AOAH: variants seen among roughly 807,000 people sequenced by gnomAD.
The protein encoded by AOAH is acyloxyacyl hydrolase (neutrophil).
AOAH carries 64 observed loss-of-function variants against 92.2 expected under a neutral mutation model. The observed-to-expected ratio is 0.69, with a 90% confidence interval of 0.57 to 0.86. The LOEUF (loss-of-function observed/expected upper bound fraction) is 0.86, where lower values mean the gene tolerates loss of function less well. Ranked by LOEUF, AOAH falls within the 40% of genes least tolerant of loss-of-function variation. The pLI is 0.00. For missense variants in AOAH, 656 were observed against 694.6 expected, an observed-to-expected ratio of 0.94 and a Z score of 0.62; for synonymous variants, 263 against 254.5, an observed-to-expected ratio of 1.03 and a Z score of -0.32.
chr7:36,574,540 C>A (rs547070816), intron 13 of AOAH, among the ~76,000 whole-genome samples: 2 of 152,256 alleles, frequency 1.3e-5, no homozygotes, highest in East Asian at 3.9e-4. Flanking sequence ...GTCGACTTTG[C>A]ACACCTGGGT....
intron 12 of AOAH, among the ~76,000 whole-genome samples, chr7:36,586,835 T>C (rs568383203): frequency 1.3e-5 from 2 of 152,196 alleles, no homozygotes; most frequent in South Asian, 2.1e-4. Context: ...TAAAAACAAA[T>C]ATATGTTTTC....
intron 6 of AOAH, among the ~76,000 whole-genome samples, chr7:36,624,242 AC>A (rs1281888535): frequency 2.0e-5 from 3 of 152,270 alleles, no homozygotes; most frequent in African/African-American, 7.2e-5. Context: ...GAACCTGGAC[AC>A]CCTCCACCAT....
At chr7:36,650,005 A>G (rs1200887913) in intron 4 of AOAH, among the ~76,000 whole-genome samples, 1 of 152,138 alleles carries the variant, frequency 6.6e-6, no homozygotes, top group Non-Finnish European at 1.5e-5. Context: ...TATAACACTC[A>G]CTGCATGGCC....
At chr7:36,702,444 G>T (rs1337517105) in intron 1 of AOAH, among the ~76,000 whole-genome samples, 1 of 152,024 alleles carries the variant, frequency 6.6e-6, no homozygotes, top group Non-Finnish European at 1.5e-5. Flanking sequence ...CAGAACTCTT[G>T]GTTGATAACT....
rs114626329 is a variant in AOAH, at chr7:36,608,598, T to G, written c.846+7782A>C. ...TAGATGAGGAAACTAAAGCTCAGAG[T>G]AAAGAAGTGAGTGTAGGTGGCTCAG... On this transcript the variant is annotated intron_variant, in intron 11 of 20. Transcript: ENST00000617537. Among the ~76,000 whole-genome samples, 212 of 152,140 alleles carry G rather than the reference T, an allele frequency of 1.4e-3. 1 individual carries two copies. The highest frequency in any genetic ancestry group is 5.4e-3 in the East Asian group (28 of 5,172).
At chr7:36,605,276 CAATT>C (rs10555012) in intron 11 of AOAH, among the ~76,000 whole-genome samples, 37,614 of 151,964 alleles carry the variant, frequency 0.25, 4,838 homozygotes, top group Middle Eastern at 0.3. Flanking sequence ...CAGTGTATGA[CAATT>C]AATTCCAACC....
At chr7:36,718,137 G>A (rs939617246) in intron 1 of AOAH, among the ~76,000 whole-genome samples, 1 of 151,926 alleles carries the variant, frequency 6.6e-6, no homozygotes, top group Non-Finnish European at 1.5e-5. Flanking sequence ...AATTTAAAGA[G>A]GGGCAAAATA....
rs777229484 is a variant in AOAH at position 36,623,194 on chromosome 7, A to G, written c.578T>C (p.Phe193Ser). 14 of 1,613,646 alleles carry G rather than the reference A, an allele frequency of 8.7e-6. No individual in the cohort carries two copies. In the African/African-American group the frequency reaches 1.7e-4, roughly 20 times the overall value. The change falls in exon 7 of 21, where the codon TTC becomes TCC. Residue 193 changes from phenylalanine to serine, a missense_variant. Phe to Ser is a radical substitution (Grantham distance 155, BLOSUM62 -2). Transcript: ENST00000617537. ...GTTATTCCTAACAATACTTACTGGG[A>G]AAACGCTGTATTTGTCTGAATCCAC... ...KDVDSDKYSV[F>S]PTLRGYHWRG... is the part of the protein sequence containing the mutation.
chr7:36,617,017 C>A (rs1445907271), intron 10 of AOAH, among the ~76,000 whole-genome samples: 1 of 152,258 alleles, frequency 6.6e-6, no homozygotes, highest in Non-Finnish European at 1.5e-5. Context: ...TTCACAATCA[C>A]TTCATCTGAC....
intron 10 of AOAH, among the ~76,000 whole-genome samples, chr7:36,618,039 A>C (rs1473873472): frequency 6.6e-6 from 1 of 152,232 alleles, no homozygotes; most frequent in East Asian, 1.9e-4. Context: ...TCCATTTTGC[A>C]ACCTAATCGT....
At chr7:36,678,067 C>A (rs1796367512) in intron 2 of AOAH, among the ~76,000 whole-genome samples, 1 of 152,204 alleles carries the variant, frequency 6.6e-6, no homozygotes, top group Non-Finnish European at 1.5e-5. Flanking sequence ...TACTGAAAGT[C>A]ACTAAATTGT....
At chr7:36,631,903 T>C (rs1583988540) in intron 6 of AOAH, 133 bp downstream of exon 6, 1 of 691,098 alleles carries the variant, frequency 1.4e-6, no homozygotes, top group East Asian at 2.8e-5. Flanking sequence ...CTGTGCAATG[T>C]TTTGAGAAAG....
In AOAH at chr7:36,540,381, A is replaced by G. The variant is rs1785341273; in HGVS notation, c.1244T>C (p.Leu415Ser). ...SHLPNGSHVI[L>S]YGLPDGTFLW... ...AAAGGTTCCATCTGGTAAGCCATAC[A>G]AAATAACATGGCTGCCATTGGGCAG... Residue 415 changes from leucine (L) to serine (S), a missense_variant, in exon 16 of 21, where the codon TTG becomes TCG. By Grantham distance (145) the Leu-to-Ser change is moderately radical. Transcript: ENST00000617537. The G allele has an allele frequency of 1.2e-6, 2 of 1,614,094 alleles. No homozygotes were observed. Among genetic ancestry groups the G allele is most frequent in the South Asian group, 1.1e-5 (1 of 91,080 alleles).
chr7:36,554,012 C>T (rs1786494220), intron 13 of AOAH, among the ~76,000 whole-genome samples: 1 of 152,116 alleles, frequency 6.6e-6, no homozygotes, highest in Non-Finnish European at 1.5e-5. Flanking sequence ...TCAATTTTGG[C>T]TTTTGTTGCC....
chr7:36,650,843 A>G (rs757044441), intron 4 of AOAH, among the ~76,000 whole-genome samples: 18 of 152,338 alleles, frequency 1.2e-4, no homozygotes, highest in Middle Eastern at 3.4e-3. Flanking sequence ...CAAGAAAGAC[A>G]CGGTCCTTGT....
chr7:36,586,686 T>G (rs545254481), intron 12 of AOAH, among the ~76,000 whole-genome samples: 1 of 152,306 alleles, frequency 6.6e-6, no homozygotes, highest in South Asian at 2.1e-4. Flanking sequence ...CTCAGAGAGC[T>G]TTTGCTTATG....
chr7:36,621,639 G>A, intron 8 of AOAH, 71 bp downstream of exon 8: 1 of 1,395,862 alleles, frequency 7.2e-7, no homozygotes, highest in South Asian at 1.2e-5. Flanking sequence ...TAGGCTGGGG[G>A]AAGGAAATGT....
At chr7:36,601,641 C>T (rs772754508) in intron 11 of AOAH, among the ~76,000 whole-genome samples, 2 of 152,180 alleles carry the variant, frequency 1.3e-5, no homozygotes, top group Non-Finnish European at 2.9e-5. Flanking sequence ...CTATGCATGA[C>T]GTTTAGACTT....
intron 2 of AOAH, among the ~76,000 whole-genome samples, chr7:36,685,561 A>T (rs1796948422): frequency 2.0e-5 from 3 of 152,194 alleles, no homozygotes; most frequent in Admixed American, 2.0e-4. Flanking sequence ...TACTGGCAAA[A>T]CAATATTACA....
Sources: gnomAD v4.1 joint callset for allele counts (sites outside exome capture counted in the v4.1 genomes callset) on GRCh38, gnomAD v4.1.1 for gene constraint, MANE v1.5 for transcripts, NCBI Gene and HGNC (gene_info 2026-07-23, HGNC 2026-07-21) for gene names.